The following MYO16 variants were observed in gnomAD, a reference collection of about 807,000 sequenced individuals.
The protein encoded by MYO16 is myosin XVI, also known as unconventional myosin-XVI.
Under a neutral mutation model 205.3 loss-of-function variants are expected in MYO16, and 94 were observed. That is an observed-to-expected ratio of 0.46 (90% CI 0.39 to 0.54). MYO16 has a LOEUF of 0.54. Among genes scored for constraint, MYO16 ranks in the 20% least tolerant of loss-of-function variants. The pLI is 0.00. For synonymous variants in MYO16, 988 were observed against 954.0 expected, an observed-to-expected ratio of 1.04 and a Z score of -0.66; for missense variants, 2,315 against 2,387.5, an observed-to-expected ratio of 0.97 and a Z score of 0.63.
intron 34 of MYO16, among the ~76,000 whole-genome samples, chr13:109,192,430 CCCA>C (rs1192696666): frequency 6.6e-6 from 1 of 152,130 alleles, no homozygotes; most frequent in African/African-American, 2.4e-5. Flanking sequence ...AGCATTTGTA[CCCA>C]CATTATTTGT....
intron 12 of MYO16, among the ~76,000 whole-genome samples, chr13:108,878,026 C>A (rs1055063000): frequency 3.3e-5 from 5 of 152,094 alleles, no homozygotes; most frequent in African/African-American, 1.2e-4. Flanking sequence ...CACTTGTTTT[C>A]TTTACCTAAA....
chr13:108,627,204 A>G (rs1566512952), upstream of MYO16, among the ~76,000 whole-genome samples: 2 of 152,166 alleles, frequency 1.3e-5, no homozygotes, highest in Admixed American at 1.3e-4. Context: ...GAAATATGTA[A>G]ATAGGTTTAA....
At chr13:108,717,629 C>CAAAAAA (rs59387181) in intron 3 of MYO16, among the ~76,000 whole-genome samples, 2 of 96,368 alleles carry the variant, frequency 2.1e-5, no homozygotes, top group African/African-American at 4.1e-5. Flanking sequence ...GACTCCATCT[C>CAAAAAA]AAAAAAAAAA....
Position 108,781,773 on chromosome 13 carries a change from G to A in MYO16, c.508-3862G>A, listed in dbSNP as rs1243674868. On this transcript the variant is annotated intron_variant, in intron 4 of 34. Transcript: ENST00000457511. ...GGGAGGTAATTGAATCCTGGGGGCC[G>A]GTCTTTCCTGTGCTGGTCTCATGAT... Among the ~76,000 whole-genome samples, 6 of 152,240 alleles carry A rather than the reference G, an allele frequency of 3.9e-5. No individual in the cohort carries two copies. The East Asian group carries it at 5.8e-4, about 15-fold the overall frequency.
At chr13:108,530,800 T>G in the MYO16 span, among the ~76,000 whole-genome samples, 1 of 152,238 alleles carries the variant, frequency 6.6e-6, no homozygotes, top group Non-Finnish European at 1.5e-5. Flanking sequence ...CTATATTTCC[T>G]ATTTGGGATA....
intron 1 of MYO16, among the ~76,000 whole-genome samples, chr13:108,651,405 A>G (rs1463885240): frequency 1.3e-5 from 2 of 152,240 alleles, no homozygotes; most frequent in South Asian, 2.1e-4. Context: ...CTGTAAATCT[A>G]TATCCACTGA....
chr13:108,948,528 C>T (rs1233792962), intron 16 of MYO16, among the ~76,000 whole-genome samples: 2 of 152,250 alleles, frequency 1.3e-5, no homozygotes, highest in African/African-American at 2.4e-5. Context: ...TGGGGCCACA[C>T]CTGCACCCTG....
chr13:109,167,748 T>TA (rs1436824266), intron 33 of MYO16, among the ~76,000 whole-genome samples: 1 of 151,550 alleles, frequency 6.6e-6, no homozygotes, highest in African/African-American at 2.4e-5. Flanking sequence ...CAGTTAGAGG[T>TA]AAAAATATGT....
rs113261005 is a variant in MYO16, at chr13:109,201,975, C to T, written c.5416-4634C>T. On this transcript the variant is annotated intron_variant, in intron 34 of 34. Transcript: ENST00000457511. ...ATTCCATCATATATATATATATGTA[C>T]ACACACACACACATCATATATCTAT... is the stretch of plus-strand genomic sequence containing the variant. 5.4e-3 allele frequency among the ~76,000 whole-genome samples: 821 copies of T among 150,872 alleles called. 9 individuals carry two copies. Among genetic ancestry groups the T allele is most frequent in the African/African-American group, 0.019 (760 of 41,064 alleles).
intron 4 of MYO16, among the ~76,000 whole-genome samples, chr13:108,745,804 T>C (rs528468837): frequency 2.0e-5 from 3 of 152,174 alleles, no homozygotes; most frequent in South Asian, 4.2e-4. Context: ...AGTAGACAAC[T>C]TACAAAAGAG....
At chr13:108,972,280 T>TATATA (rs57199843) in intron 20 of MYO16, among the ~76,000 whole-genome samples, 14 of 73,848 alleles carry the variant, frequency 1.9e-4, no homozygotes, top group African/African-American at 2.7e-4. Context: ...TATATATATA[T>TATATA]TTACCAGCCA....
At chr13:108,996,355 T>G (rs1393306387) in intron 21 of MYO16, among the ~76,000 whole-genome samples, 1 of 152,166 alleles carries the variant, frequency 6.6e-6, no homozygotes, top group Non-Finnish European at 1.5e-5. Context: ...AAAACCTATC[T>G]AAAGACATGT....
chr13:108,664,949 A>G (rs920580541), intron 1 of MYO16, among the ~76,000 whole-genome samples: 2 of 152,200 alleles, frequency 1.3e-5, no homozygotes, highest in African/African-American at 4.8e-5. Flanking sequence ...TCTCTCCACA[A>G]TTTTGAGAAA....
intron 1 of MYO16, among the ~76,000 whole-genome samples, chr13:108,639,100 T>C (rs1233257363): frequency 6.6e-6 from 1 of 152,166 alleles, no homozygotes; most frequent in Non-Finnish European, 1.5e-5. Context: ...CCTTGAATGA[T>C]TTTCAAGAGC....
chr13:109,188,586 A>G (rs1879782781), intron 34 of MYO16, among the ~76,000 whole-genome samples: 2 of 152,194 alleles, frequency 1.3e-5, no homozygotes, highest in Non-Finnish European at 2.9e-5. Context: ...TTTGTTAGGG[A>G]GAATTGACTC....
chr13:108,824,158 A>G (rs1017982672), intron 9 of MYO16, among the ~76,000 whole-genome samples: 2 of 152,088 alleles, frequency 1.3e-5, no homozygotes, highest in African/African-American at 4.8e-5. Context: ...AGTCAGGTAA[A>G]GAAATTGTGT....
At chr13:108,797,091 T>C in intron 6 of MYO16, among the ~76,000 whole-genome samples, 1 of 152,186 alleles carries the variant, frequency 6.6e-6, no homozygotes, top group African/African-American at 2.4e-5. Context: ...AATAAATGTG[T>C]TGTGTGATTA....
chr13:109,160,550 C>A (rs946775062), intron 32 of MYO16, among the ~76,000 whole-genome samples: 1 of 152,102 alleles, frequency 6.6e-6, no homozygotes, highest in Non-Finnish European at 1.5e-5. Flanking sequence ...TGGACCCAAC[C>A]ACAGGATGCC....
the MYO16 span, among the ~76,000 whole-genome samples, chr13:108,544,109 G>GT: frequency 1.4e-5 from 2 of 140,720 alleles, no homozygotes; most frequent in Non-Finnish European, 3.1e-5. Flanking sequence ...AATTTATTTT[G>GT]TTTTTTATTT....
Sources: gnomAD v4.1 joint callset for allele counts (sites outside exome capture counted in the v4.1 genomes callset) on GRCh38, gnomAD v4.1.1 for gene constraint, MANE v1.5 for transcripts, NCBI Gene and HGNC (gene_info 2026-07-23, HGNC 2026-07-21) for gene names.